The following FRYL variants were observed in gnomAD, a reference collection of about 807,000 sequenced individuals.
The protein encoded by FRYL is protein furry homolog-like.
FRYL carries 150 observed loss-of-function variants against 351.2 expected under a neutral mutation model. The observed-to-expected ratio is 0.43, with a 90% CI of 0.37 to 0.49. The LOEUF (loss-of-function observed/expected upper bound fraction) is 0.49, where lower values mean the gene tolerates loss of function less well. Among genes scored for constraint, FRYL ranks in the 20% least tolerant of loss-of-function variants. FRYL has a pLI of 0.00. For synonymous variants in FRYL, 1,153 were observed against 1,257.1 expected (o/e 0.92, Z 1.75); for missense variants, 3,036 against 3,619.3 (o/e 0.84, Z 4.13).
In FRYL at chr4:48,528,710, C is replaced by T. The variant is rs535035542; in HGVS notation, c.6904-374G>A. On this transcript the variant is annotated intron_variant, in intron 50 of 63. Transcript: ENST00000358350. ...AATATCAAATCATCTGTTTTCTTACCACTCAGACTTAATATTTGTTAAATT... is the reference window on the plus strand; with the variant it reads ...AATATCAAATCATCTGTTTTCTTACTACTCAGACTTAATATTTGTTAAATT... Among the ~76,000 whole-genome samples, 40 of 152,122 alleles carry T rather than the reference C, an allele frequency of 2.6e-4. No individual in the cohort carries two copies. In the South Asian group the frequency reaches 8.3e-3, roughly 32 times the overall value.
At chr4:48,652,542 A>C (rs897823707) in intron 3 of FRYL, among the ~76,000 whole-genome samples, 3 of 152,250 alleles carry the variant, frequency 2.0e-5, no homozygotes, top group African/African-American at 7.2e-5. Flanking sequence ...ATTTTCTGCC[A>C]TCTGGCACAA....
intron 2 of FRYL, among the ~76,000 whole-genome samples, chr4:48,685,337 A>G (rs1765039484): frequency 6.6e-6 from 1 of 152,174 alleles, no homozygotes; most frequent in South Asian, 2.1e-4. Context: ...AATTTAAACA[A>G]AATCCATACA....
At chr4:48,562,518 G>A (rs1735752129) in intron 32 of FRYL, among the ~76,000 whole-genome samples, 2 of 152,090 alleles carry the variant, frequency 1.3e-5, no homozygotes. Context: ...ATTTACATGA[G>A]AATATGATAA....
At chr4:48,555,852 GGTTT>G (rs1733993473) in intron 35 of FRYL, among the ~76,000 whole-genome samples, 1 of 151,992 alleles carries the variant, frequency 6.6e-6, no homozygotes. Context: ...GCTATCAAGT[GGTTT>G]GTTTAAAATA....
chr4:48,566,330 A>G (rs76489709), intron 28 of FRYL, among the ~76,000 whole-genome samples: 4,570 of 152,230 alleles, frequency 0.03, 72 homozygotes, highest in Admixed American at 0.046. Flanking sequence ...TTTTTCCCCC[A>G]TTTTGAAATT....
chr4:48,769,685 A>G (rs1415088672), intron 1 of FRYL, among the ~76,000 whole-genome samples: 1 of 152,228 alleles, frequency 6.6e-6, no homozygotes, highest in South Asian at 2.1e-4. Flanking sequence ...TATGTTCTTC[A>G]GCAGGTGAAG....
At chr4:48,631,441 C>CATTATTA (rs1752933000) in intron 4 of FRYL, among the ~76,000 whole-genome samples, 1 of 151,440 alleles carries the variant, frequency 6.6e-6, no homozygotes, top group Non-Finnish European at 1.5e-5. Context: ...AGAATGAAAA[C>CATTATTA]ATTATTATTA....
chr4:48,581,238 C>T (rs1044100296), intron 21 of FRYL, among the ~76,000 whole-genome samples, 182 bp downstream of exon 21: 14 of 151,798 alleles, frequency 9.2e-5, no homozygotes, highest in East Asian at 1.9e-4. Context: ...TAGAGACCAC[C>T]GTGTTAGCCA....
chr4:48,669,172 A>G (rs1762242479), intron 3 of FRYL, among the ~76,000 whole-genome samples: 1 of 151,898 alleles, frequency 6.6e-6, no homozygotes, highest in Admixed American at 6.6e-5. Context: ...CTTTGTTTCA[A>G]TTATTTTACC....
chr4:48,527,071 T>C (rs1432073254), intron 53 of FRYL, among the ~76,000 whole-genome samples: 4 of 152,174 alleles, frequency 2.6e-5, no homozygotes, highest in African/African-American at 9.7e-5. Context: ...GAGTAGTATA[T>C]GTATATGTAC....
chr4:48,611,100 T>C (rs1472320277), intron 7 of FRYL, among the ~76,000 whole-genome samples: 4 of 151,934 alleles, frequency 2.6e-5, no homozygotes, highest in African/African-American at 9.7e-5. Context: ...ATATGGTGCA[T>C]TGGTTCCAGG....
At chr4:48,612,181 T>C (rs911576714) in intron 7 of FRYL, among the ~76,000 whole-genome samples, 1 of 152,174 alleles carries the variant, frequency 6.6e-6, no homozygotes, top group African/African-American at 2.4e-5. Context: ...GTCACTACTC[T>C]ACAACTTATC....
intron 4 of FRYL, among the ~76,000 whole-genome samples, chr4:48,623,766 C>G: frequency 6.6e-6 from 1 of 151,912 alleles, no homozygotes; most frequent in Non-Finnish European, 1.5e-5. Flanking sequence ...TTTTAAATAT[C>G]TGTTCAATAC....
intron 3 of FRYL, among the ~76,000 whole-genome samples, chr4:48,646,801 A>G (rs1486223776): frequency 1.3e-5 from 2 of 152,178 alleles, no homozygotes; most frequent in Non-Finnish European, 2.9e-5. Context: ...ACTGAATACC[A>G]GCATTGTTGG....
chr4:48,539,487 TTC>T (rs1729640966), intron 47 of FRYL, among the ~76,000 whole-genome samples: 1 of 152,146 alleles, frequency 6.6e-6, no homozygotes, highest in East Asian at 1.9e-4. Flanking sequence ...CTAGGAAGAC[TTC>T]TGTTTTGTGT....
At chr4:48,678,046 A>C (rs946412324) in intron 3 of FRYL, among the ~76,000 whole-genome samples, 2 of 152,230 alleles carry the variant, frequency 1.3e-5, no homozygotes, top group Admixed American at 1.3e-4. Flanking sequence ...ATGAACCGTC[A>C]TATTTACAAT....
At chr4:48,667,410 A>G (rs1407815917) in intron 3 of FRYL, among the ~76,000 whole-genome samples, 1 of 151,926 alleles carries the variant, frequency 6.6e-6, no homozygotes, top group Non-Finnish European at 1.5e-5. Flanking sequence ...ACAGTCACAC[A>G]GAATCACAGA....
intron 7 of FRYL, chr4:48,618,967 A>C (rs1750115478): frequency 8.3e-6 from 2 of 240,486 alleles, no homozygotes; most frequent in African/African-American, 4.5e-5. Context: ...AAGGGACTGA[A>C]GTAGCTGAAT....
At chr4:48,641,267 A>G (rs556286714) in intron 3 of FRYL, among the ~76,000 whole-genome samples, 2 of 152,308 alleles carry the variant, frequency 1.3e-5, no homozygotes, top group South Asian at 2.1e-4. Flanking sequence ...TAGCTTATCA[A>G]GAGCAGAGAG....
Sources: allele counts gnomAD v4.1 joint callset (sites outside exome capture counted in the v4.1 genomes callset), GRCh38; gene constraint gnomAD v4.1.1; transcripts MANE v1.5; gene names NCBI Gene and HGNC (gene_info 2026-07-23, HGNC 2026-07-21).